The following PRCP variants were observed in gnomAD, a reference collection of about 807,000 sequenced individuals.
The protein encoded by PRCP is prolylcarboxypeptidase.
Under a neutral mutation model 54.2 loss-of-function variants are expected in PRCP, and 46 were observed. That is an observed-to-expected ratio of 0.85 (90% CI 0.67 to 1.09). PRCP has a LOEUF of 1.09. Ranked by LOEUF, PRCP falls within the 50% of genes least tolerant of loss-of-function variation. The pLI, the probability that PRCP is intolerant of heterozygous loss-of-function variation, is 0.00. For synonymous variants in PRCP, 240 were observed against 212.2 expected, an observed-to-expected ratio of 1.13 and a Z score of -1.14; for missense variants, 613 against 596.8, an observed-to-expected ratio of 1.03 and a Z score of -0.28.
At chr11:82,845,735 C>A (rs1370249007) in intron 6 of PRCP, 1 of 152,066 alleles carries the variant, frequency 6.6e-6, no homozygotes, top group Non-Finnish European at 1.5e-5. Context: ...AAATGTGATT[C>A]CAAAATTAAC....
chr11:82,877,363 T>C (rs553758378), intron 1 of PRCP, among the ~76,000 whole-genome samples: 15 of 152,320 alleles, frequency 9.8e-5, no homozygotes, highest in African/African-American at 3.4e-4. Context: ...AGGAGCCCAA[T>C]GTTAATCCCC....
chr11:82,852,725 T>C (rs181767770), intron 3 of PRCP, among the ~76,000 whole-genome samples: 27 of 135,592 alleles, frequency 2.0e-4, no homozygotes, highest in Admixed American at 1.6e-3. Flanking sequence ...AAGGGGCCAG[T>C]TGGCCTTAAT....
In PRCP at chr11:82,860,064, T is replaced by A. The variant is rs146845412; in HGVS notation, c.222A>T (p.Val74=). 1.3e-6 allele frequency: 2 copies of A among 1,585,664 alleles called. No homozygotes were observed. The highest frequency in any genetic ancestry group is 1.7e-6 in the Non-Finnish European group (2 of 1,166,262). ...TVKTFNQRYL[V]ADKYWKKNGG... ...CATTTTTCTTCCAGTATTTATCAGC[T>A]ACTAGGTACCGCTGATTAAAAGTTT... The change falls in exon 2 of 9, where the codon GTA becomes GTT. Residue 74 remains valine (V), a synonymous_variant. Transcript: ENST00000313010.
At chr11:82,899,925 G>T (rs1425896855) in intron 1 of PRCP, 1 of 352,366 alleles carries the variant, frequency 2.8e-6, no homozygotes, top group East Asian at 7.1e-5. Flanking sequence ...TTTGAGGGAA[G>T]GTCAAGGGAG....
chr11:82,844,190 T>A (rs1418765095), intron 6 of PRCP, among the ~76,000 whole-genome samples: 1 of 152,110 alleles, frequency 6.6e-6, no homozygotes, highest in Non-Finnish European at 1.5e-5. Flanking sequence ...TTACAATTGT[T>A]ATTATACACA....
intron 1 of PRCP, among the ~76,000 whole-genome samples, chr11:82,862,776 G>A (rs1026662705): frequency 1.3e-5 from 2 of 152,192 alleles, no homozygotes; most frequent in African/African-American, 4.8e-5. Flanking sequence ...TAATAATGAT[G>A]TCCATGTGCT....
At position 82,893,917 on chromosome 11, in the gene PRCP, G is replaced by T. The variant is rs182710429; in HGVS notation, c.168+6318C>A. Among the ~76,000 whole-genome samples, 189 of 152,256 alleles carry T rather than the reference G, an allele frequency of 1.2e-3. 2 individuals are homozygous for T. The South Asian group carries it at 0.018, about 15-fold the overall frequency. On this transcript the variant is annotated intron_variant, in intron 1 of 8. Coordinates refer to ENST00000313010, the MANE Select transcript of PRCP (RefSeq NM_005040.4). ...TTAAGTACTTAGGATAATATTTACG[G>T]TATTTGAAGCTTTCAATAAATGGTA... is the stretch of plus-strand genomic sequence containing the variant.
At chr11:82,895,161 A>G (rs1173048586) in intron 1 of PRCP, among the ~76,000 whole-genome samples, 1 of 152,184 alleles carries the variant, frequency 6.6e-6, no homozygotes, top group African/African-American at 2.4e-5. Context: ...TGCACTTTAC[A>G]CATACCACCT....
At chr11:82,846,439 G>A (rs1035929789) in intron 6 of PRCP, among the ~76,000 whole-genome samples, 7 of 151,908 alleles carry the variant, frequency 4.6e-5, no homozygotes, top group African/African-American at 1.7e-4. Context: ...TTCTCAAGCA[G>A]GGGGCAAGAG....
At chr11:82,859,920 C>A in intron 2 of PRCP, 57 bp downstream of exon 2, 2 of 1,461,936 alleles carry the variant, frequency 1.4e-6, no homozygotes, top group Non-Finnish European at 9.1e-7. Context: ...ACATTTCTTC[C>A]AAGTTATCAT....
intron 1 of PRCP, among the ~76,000 whole-genome samples, chr11:82,871,398 C>G (rs955835120): frequency 2.0e-5 from 3 of 151,968 alleles, no homozygotes; most frequent in Non-Finnish European, 2.9e-5. Flanking sequence ...AGGCTGGTCT[C>G]GAACTCCTGA....
At chr11:82,827,327 T>C (rs961426147) in intron 8 of PRCP, 1 of 152,218 alleles carries the variant, frequency 6.6e-6, no homozygotes, top group African/African-American at 2.4e-5. Context: ...TCCAAGAAAC[T>C]GGTGTCTAAC....
intron 8 of PRCP, chr11:82,829,506 G>A (rs144292919): frequency 3.3e-5 from 5 of 152,248 alleles, no homozygotes; most frequent in Non-Finnish European, 5.9e-5. Flanking sequence ...CCTTGATGAA[G>A]TCTTCCCTGG....
intron 3 of PRCP, 36 bp from the exon 4 acceptor site, chr11:82,850,541 T>C (rs1405040721): frequency 1.4e-6 from 2 of 1,432,462 alleles, no homozygotes; most frequent in Admixed American, 4.2e-5. Context: ...GGTATAAATG[T>C]GCACATAACA....
rs148437043 is a variant in PRCP at position 82,824,543 on chromosome 11, G to C, written c.*363C>G. ...AGGGTAGGGATGGGGACTTACAAAT[G>C]GGCCAAAGACACTTCAACCTCAAAA... is the stretch of plus-strand genomic sequence containing the variant. On this transcript the variant is annotated 3_prime_UTR_variant, in exon 9 of 9. Coordinates refer to ENST00000313010, the MANE Select transcript of PRCP (RefSeq NM_005040.4). 5.8e-4 allele frequency: 135 copies of C among 232,754 alleles called. No individual in the cohort carries two copies. Among genetic ancestry groups the C allele is most frequent in the African/African-American group, 3.0e-3 (131 of 43,326 alleles). The allele number at this position is 232,754 out of a possible 1,614,324, so 14.4% of individuals were successfully genotyped here. A position where few individuals can be genotyped will look rare whatever the true frequency, so the allele number is the denominator to read the frequency against.
intron 1 of PRCP, among the ~76,000 whole-genome samples, chr11:82,899,172 A>G (rs1555021030): frequency 6.6e-6 from 1 of 152,224 alleles, no homozygotes; most frequent in Non-Finnish European, 1.5e-5. Context: ...AGCCTGGGCA[A>G]CATAGTGAGC....
At chr11:82,843,329 T>G (rs1455529793) in intron 6 of PRCP, 1 of 144,354 alleles carries the variant, frequency 6.9e-6, no homozygotes, top group East Asian at 2.0e-4. Context: ...AAAAGACGAG[T>G]AGTTTAAAAG....
At chr11:82,843,474 A>T (rs1189820461) in intron 6 of PRCP, among the ~76,000 whole-genome samples, 1 of 152,210 alleles carries the variant, frequency 6.6e-6, no homozygotes, top group Admixed American at 6.5e-5. Context: ...AACCTCATAT[A>T]ATACTTTAGC....
At chr11:82,865,314 C>T (rs1339021706) in intron 1 of PRCP, among the ~76,000 whole-genome samples, 1 of 152,186 alleles carries the variant, frequency 6.6e-6, no homozygotes, top group Non-Finnish European at 1.5e-5. Context: ...GTAGGCGACA[C>T]TTAAGAGTGA....
Sources: gnomAD v4.1 joint callset for allele counts (sites outside exome capture counted in the v4.1 genomes callset) on GRCh38, gnomAD v4.1.1 for gene constraint, MANE v1.5 for transcripts, NCBI Gene and HGNC (gene_info 2026-07-23, HGNC 2026-07-21) for gene names.